Variants in SHC3 observed in about 807,000 individuals in gnomAD.
SHC3 encodes the protein SHC adaptor protein 3, also known as SHC-transforming protein 3.
SHC3 carries 15 observed loss-of-function variants against 60.4 expected under a neutral mutation model. The ratio of observed to expected loss-of-function variants is 0.25; its 90% CI spans 0.17 to 0.38. The LOEUF is 0.38. Among genes scored for constraint, SHC3 ranks in the 10% least tolerant of loss-of-function variants. The pLI is 1.00. For missense variants in SHC3, 677 were observed against 786.1 expected (o/e 0.86, Z 1.66); for synonymous variants, 294 against 325.9 (o/e 0.90, Z 1.05).
intron 4 of SHC3, among the ~76,000 whole-genome samples, chr9:89,074,062 T>C (rs1825315684): frequency 6.6e-6 from 1 of 152,236 alleles, no homozygotes; most frequent in Non-Finnish European, 1.5e-5. Flanking sequence ...TCTAGTTATG[T>C]TAACACAAAG....
At chr9:89,064,611 C>A (rs1211191811) in intron 6 of SHC3, among the ~76,000 whole-genome samples, 2 of 152,038 alleles carry the variant, frequency 1.3e-5, no homozygotes, top group Non-Finnish European at 2.9e-5. Flanking sequence ...GAGGCCTGAG[C>A]ATTGAGGTTT....
chr9:89,083,875 G>A (rs1299164600), intron 2 of SHC3, among the ~76,000 whole-genome samples: 5 of 152,156 alleles, frequency 3.3e-5, no homozygotes, highest in Admixed American at 2.0e-4. Flanking sequence ...CAGCTAGGCC[G>A]AGGGCACGTA....
chr9:89,048,184 C>G (rs1234298706), intron 7 of SHC3, among the ~76,000 whole-genome samples: 1 of 147,894 alleles, frequency 6.8e-6, no homozygotes, highest in Non-Finnish European at 1.5e-5. Context: ...GTGGATGTTG[C>G]AGTGAGCTGA....
At chr9:89,135,195 C>A (rs1826301111) in intron 1 of SHC3, among the ~76,000 whole-genome samples, 1 of 152,124 alleles carries the variant, frequency 6.6e-6, no homozygotes, top group Admixed American at 6.6e-5. Flanking sequence ...TCTACGAAAT[C>A]AAACTTGACT....
chr9:89,028,819 AG>A (rs1015700687), intron 11 of SHC3, among the ~76,000 whole-genome samples: 51 of 146,940 alleles, frequency 3.5e-4, no homozygotes, highest in African/African-American at 1.2e-3. Context: ...ATCTATATAT[AG>A]CATATATATA....
rs551939363 is a variant in SHC3, at chr9:89,156,856, G to T, written c.474+21131C>A. Among the ~76,000 whole-genome samples the T allele has an allele frequency of 1.5e-3, 234 of 152,098 alleles. 1 individual carries two copies. The highest frequency in any genetic ancestry group is 5.3e-3 in the African/African-American group (218 of 41,412). On this transcript the variant is annotated intron_variant, in intron 1 of 11. Coordinates refer to ENST00000375835, the MANE Select transcript of SHC3 (RefSeq NM_016848.6). ...ATCACACATTCTTAGACAAAGCTTTGACTCCTTAATCAATCACAAATCAGA... is the reference window on the plus strand; with the variant it reads ...ATCACACATTCTTAGACAAAGCTTTTACTCCTTAATCAATCACAAATCAGA...
At chr9:89,119,532 C>T (rs1236099625) in intron 1 of SHC3, among the ~76,000 whole-genome samples, 1 of 151,576 alleles carries the variant, frequency 6.6e-6, no homozygotes, top group African/African-American at 2.4e-5. Context: ...ATCTTGTTTA[C>T]AATAGCAAGA....
rs1217293635 is a variant in SHC3 at position 89,013,034 on chromosome 9, TC to T, written c.*412del. 4 of 152,474 alleles carry T rather than the reference TC, an allele frequency of 2.6e-5. No individual in the cohort carries two copies. The East Asian group carries it at 7.7e-4, about 29-fold the overall frequency. The allele number at this position is 152,474 out of a possible 1,614,324, so 9.4% of individuals were successfully genotyped here. A position where few individuals can be genotyped will look rare whatever the true frequency, so the allele number is the denominator to read the frequency against. On this transcript the variant is annotated 3_prime_UTR_variant, in exon 12 of 12. Coordinates refer to ENST00000375835, the MANE Select transcript of SHC3 (RefSeq NM_016848.6). Reference sequence around the variant, plus strand: ...TCACAATTCTGTGTTTCTATTCCCCTCCAGTTGTGCTTATTAGGTAAAACTG... The same window carrying T: ...TCACAATTCTGTGTTTCTATTCCCCTCAGTTGTGCTTATTAGGTAAAACTG...
chr9:89,100,148 C>T (rs923617733), intron 2 of SHC3, among the ~76,000 whole-genome samples: 1 of 152,070 alleles, frequency 6.6e-6, no homozygotes, highest in Non-Finnish European at 1.5e-5. Context: ...AAAGTCCAGT[C>T]AGAAAGAGAA....
chr9:89,090,977 T>C (rs1050090937), intron 2 of SHC3, among the ~76,000 whole-genome samples: 3 of 152,280 alleles, frequency 2.0e-5, no homozygotes, highest in African/African-American at 7.2e-5. Flanking sequence ...AAGTCAGATA[T>C]AGCCTGCGTG....
chr9:89,151,823 G>T (rs977366625), intron 1 of SHC3, among the ~76,000 whole-genome samples: 3 of 152,126 alleles, frequency 2.0e-5, no homozygotes, highest in Non-Finnish European at 4.4e-5. Flanking sequence ...ACATCATCAT[G>T]GAGGATTATG....
At chr9:89,096,440 T>C (rs543930305) in intron 2 of SHC3, among the ~76,000 whole-genome samples, 1 of 152,310 alleles carries the variant, frequency 6.6e-6, no homozygotes, top group South Asian at 2.1e-4. Context: ...AGTGATAATA[T>C]TCATATATGC....
chr9:89,117,614 GA>G (rs1274392880), intron 1 of SHC3, among the ~76,000 whole-genome samples: 7 of 152,062 alleles, frequency 4.6e-5, no homozygotes, highest in African/African-American at 9.7e-5. Context: ...TGGGAAAAAA[GA>G]AAATTATGAC....
At chr9:89,128,253 C>T (rs12555381) in intron 1 of SHC3, among the ~76,000 whole-genome samples, 4,555 of 152,196 alleles carry the variant, frequency 0.03, 86 homozygotes, top group Non-Finnish European at 0.042. Flanking sequence ...GACATTTGGT[C>T]TAAATTACAC....
rs1826038095 is a variant in SHC3, at chr9:89,013,312, A to G, written c.*135T>C. ...CCAAGTTTATGAAACTTGACCTTAA[A>G]GGAAGCCTTCCTTTTGAAGCTTTTG... On this transcript the variant is annotated 3_prime_UTR_variant, in exon 12 of 12. Coordinates refer to ENST00000375835, the MANE Select transcript of SHC3 (RefSeq NM_016848.6). 5.2e-6 allele frequency: 6 copies of G among 1,149,778 alleles called. No homozygotes were observed. In the South Asian group the frequency reaches 1.1e-4, roughly 21 times the overall value. The allele number at this position is 1,149,778 out of a possible 1,614,324, so 71.2% of individuals were successfully genotyped here. A position where few individuals can be genotyped will look rare whatever the true frequency, so the allele number is the denominator to read the frequency against.
intron 6 of SHC3, among the ~76,000 whole-genome samples, chr9:89,060,450 G>C (rs150118565): frequency 2.0e-5 from 3 of 152,108 alleles, no homozygotes; most frequent in African/African-American, 7.2e-5. Context: ...GGCGGCACTG[G>C]AGAAGATACC....
intron 6 of SHC3, among the ~76,000 whole-genome samples, chr9:89,052,407 A>G (rs1824876780): frequency 6.6e-6 from 1 of 152,120 alleles, no homozygotes; most frequent in African/African-American, 2.4e-5. Context: ...ATTTTTAAAT[A>G]AATTAAAGAT....
At chr9:89,136,481 C>A (rs1826321122) in intron 1 of SHC3, among the ~76,000 whole-genome samples, 1 of 152,148 alleles carries the variant, frequency 6.6e-6, no homozygotes, top group Non-Finnish European at 1.5e-5. Context: ...CTGCTACATT[C>A]CCACCAGCAC....
At chr9:89,071,599 G>A (rs1176914589) in intron 4 of SHC3, among the ~76,000 whole-genome samples, 1 of 152,140 alleles carries the variant, frequency 6.6e-6, no homozygotes, top group East Asian at 1.9e-4. Context: ...TCTAACACGG[G>A]GGCGTATAGA....
Sources: gnomAD v4.1 joint callset for allele counts (sites outside exome capture counted in the v4.1 genomes callset) on GRCh38, gnomAD v4.1.1 for gene constraint, MANE v1.5 for transcripts, NCBI Gene and HGNC (gene_info 2026-07-23, HGNC 2026-07-21) for gene names.